The following CTNNA3 variants were observed in gnomAD, a reference collection of about 807,000 sequenced individuals.
CTNNA3 encodes the protein catenin alpha-3.
A neutral mutation model predicts 95.7 loss-of-function variants in CTNNA3; 76 were observed. The observed-to-expected ratio is 0.79, with a 90% CI of 0.66 to 0.96. The LOEUF (loss-of-function observed/expected upper bound fraction) is 0.96. CTNNA3 is among the 40% of genes least tolerant of loss of function. The pLI is 0.00. For synonymous variants in CTNNA3, 431 were observed against 374.4 expected, an observed-to-expected ratio of 1.15 and a Z score of -1.74; for missense variants, 1,191 against 1,089.8, an observed-to-expected ratio of 1.09 and a Z score of -1.31.
chr10:66,200,660 C>A (rs144459171), intron 13 of CTNNA3, among the ~76,000 whole-genome samples: 1 of 152,266 alleles, frequency 6.6e-6, no homozygotes, highest in African/African-American at 2.4e-5. Flanking sequence ...TTTATGACCA[C>A]GGGCAGTCCT....
intron 13 of CTNNA3, among the ~76,000 whole-genome samples, chr10:66,166,901 G>C (rs1355321080): frequency 6.6e-6 from 1 of 152,118 alleles, no homozygotes; most frequent in Non-Finnish European, 1.5e-5. Flanking sequence ...AACAGTAAGG[G>C]ACATTTCAGG....
chr10:66,055,291 A>C (rs2080055599), intron 15 of CTNNA3, among the ~76,000 whole-genome samples: 1 of 152,124 alleles, frequency 6.6e-6, no homozygotes, highest in South Asian at 2.1e-4. Context: ...GATTGCATGG[A>C]ATTTGTAGAC....
chr10:66,823,282 TA>T (rs1219654666), intron 7 of CTNNA3, among the ~76,000 whole-genome samples: 3 of 152,218 alleles, frequency 2.0e-5, no homozygotes, highest in Non-Finnish European at 4.4e-5. Flanking sequence ...TGAAATTCTT[TA>T]AAATTTTATT....
chr10:66,850,435 T>C (rs1843444342), intron 7 of CTNNA3, among the ~76,000 whole-genome samples: 1 of 152,180 alleles, frequency 6.6e-6, no homozygotes, highest in South Asian at 2.1e-4. Context: ...TTTTTCTTTT[T>C]TAAAAAATCT....
chr10:67,406,969 C>T (rs186671377), intron 5 of CTNNA3, among the ~76,000 whole-genome samples: 19 of 152,206 alleles, frequency 1.2e-4, no homozygotes, highest in South Asian at 2.1e-4. Flanking sequence ...ATGGATTCAC[C>T]GCTTAACTCT....
At chr10:66,574,593 C>G (rs1842953729) in intron 10 of CTNNA3, among the ~76,000 whole-genome samples, 2 of 151,990 alleles carry the variant, frequency 1.3e-5, no homozygotes, top group South Asian at 4.1e-4. Context: ...GAAAAGAAAA[C>G]ATATTGAAAA....
chr10:67,216,964 CAATT>C (rs1864396281), intron 6 of CTNNA3, among the ~76,000 whole-genome samples: 1 of 152,166 alleles, frequency 6.6e-6, no homozygotes, highest in Admixed American at 6.5e-5. Flanking sequence ...TCCAATAAAT[CAATT>C]GATTTAGCCA....
intron 5 of CTNNA3, among the ~76,000 whole-genome samples, chr10:67,253,414 A>T (rs1866189791): frequency 6.6e-6 from 1 of 152,208 alleles, no homozygotes; most frequent in African/African-American, 2.4e-5. Flanking sequence ...CCTCAGATAA[A>T]GGGAAATTAC....
rs114079432 is a variant in CTNNA3 at position 66,452,517 on chromosome 10, C to A, written c.1531+68100G>T. Among the ~76,000 whole-genome samples, 1,044 of 152,172 alleles carry A rather than the reference C, an allele frequency of 6.9e-3. 9 individuals are homozygous for A. The highest frequency in any genetic ancestry group is 0.024 in the African/African-American group (994 of 41,516). ...ACTACGGGAGAAACTTAGTTTATGG[C>A]CTAACTTTGGAACAAAGATGATAAC... On this transcript the variant is annotated intron_variant, in intron 11 of 17. Coordinates refer to ENST00000433211, the MANE Select transcript of CTNNA3 (RefSeq NM_013266.4).
chr10:67,111,193 T>A (rs1272104431), intron 7 of CTNNA3, among the ~76,000 whole-genome samples: 4 of 152,144 alleles, frequency 2.6e-5, no homozygotes, highest in Non-Finnish European at 4.4e-5. Context: ...ACAATGTGAG[T>A]GACAAGACTG....
intron 13 of CTNNA3, among the ~76,000 whole-genome samples, chr10:66,206,751 A>G (rs186226688): frequency 6.6e-6 from 1 of 152,054 alleles, no homozygotes; most frequent in African/African-American, 2.4e-5. Context: ...GTAAAATGAA[A>G]GATTGGCTTA....
At chr10:66,774,602 A>G in intron 8 of CTNNA3, among the ~76,000 whole-genome samples, 1 of 152,182 alleles carries the variant, frequency 6.6e-6, no homozygotes, top group Admixed American at 6.5e-5. Flanking sequence ...CCAAATTAAA[A>G]GATTGCTTAG....
intron 3 of CTNNA3, among the ~76,000 whole-genome samples, chr10:67,583,575 C>A (rs1842498530): frequency 6.6e-6 from 1 of 152,060 alleles, no homozygotes; most frequent in Admixed American, 6.6e-5. Flanking sequence ...TTGTGGTGTT[C>A]TCTGTATTTC....
chr10:67,623,428 G>A (rs773429781), intron 2 of CTNNA3, among the ~76,000 whole-genome samples: 9 of 152,126 alleles, frequency 5.9e-5, no homozygotes, highest in Non-Finnish European at 1.3e-4. Flanking sequence ...GGGGGTTGTG[G>A]TCAAGGAGAG....
At position 66,927,696 on chromosome 10, in the gene CTNNA3, A is replaced by G. The variant is rs1564772325; in HGVS notation, c.1048-152172T>C. On this transcript the variant is annotated intron_variant, in intron 7 of 17. Coordinates refer to ENST00000433211, the MANE Select transcript of CTNNA3 (RefSeq NM_013266.4). The surrounding 1 kb of genome is among the most constrained non-coding windows in gnomAD (Gnocchi z 4.7). ...GGAGCTCCTTACAAAGGCTTGATTT[A>G]TCAGGCAATGAGATCGAAGCTTTCA... The G allele has an allele frequency of 6.2e-7, 1 of 1,614,192 alleles. No individual in the cohort carries two copies.
intron 5 of CTNNA3, among the ~76,000 whole-genome samples, chr10:67,481,227 A>C (rs1178291651): frequency 6.6e-6 from 1 of 152,204 alleles, no homozygotes; most frequent in African/African-American, 2.4e-5. Flanking sequence ...CAAGACAAAG[A>C]TGCCCACTCT....
chr10:66,330,072 CT>C (rs935987695), intron 12 of CTNNA3, among the ~76,000 whole-genome samples: 1 of 151,742 alleles, frequency 6.6e-6, no homozygotes, highest in East Asian at 1.9e-4. Flanking sequence ...GCACATATTT[CT>C]TTTTTTTATT....
intron 3 of CTNNA3, among the ~76,000 whole-genome samples, chr10:67,554,995 C>A (rs952977518): frequency 2.0e-4 from 30 of 152,252 alleles, no homozygotes; most frequent in African/African-American, 6.7e-4. Context: ...TTCCCAGCAC[C>A]ATTTATTGAA....
At chr10:67,737,181 C>G (rs1841307583) in intron 1 of CTNNA3, among the ~76,000 whole-genome samples, 1 of 151,822 alleles carries the variant, frequency 6.6e-6, no homozygotes, top group African/African-American at 2.4e-5. Flanking sequence ...AATAAAACCA[C>G]CATAACAAAA....
Sources: gnomAD v4.1 joint callset for allele counts (sites outside exome capture counted in the v4.1 genomes callset) on GRCh38, gnomAD v4.1.1 for gene constraint, Gnocchi (gnomAD v3.1) non-coding constraint, MANE v1.5 for transcripts, NCBI Gene and HGNC (gene_info 2026-07-23, HGNC 2026-07-21) for gene names.